ABI3BP: variants seen among roughly 807,000 people sequenced by gnomAD.
The protein encoded by ABI3BP is target of Nesh-SH3.
ABI3BP carries 216 observed loss-of-function variants against 268.6 expected under a neutral mutation model. The ratio of observed to expected loss-of-function variants is 0.80; its 90% confidence interval spans 0.72 to 0.90. ABI3BP has a LOEUF of 0.90. Ranked by LOEUF, ABI3BP falls within the 40% of genes least tolerant of loss-of-function variation. ABI3BP has a pLI of 0.00. For synonymous variants in ABI3BP, 730 were observed against 730.0 expected, an observed-to-expected ratio of 1.00 and a Z score of 0.00; for missense variants, 2,090 against 2,182.4, an observed-to-expected ratio of 0.96 and a Z score of 0.84.
At chr3:100,794,689 A>G (rs920867026) in intron 54 of ABI3BP, among the ~76,000 whole-genome samples, 5 of 151,950 alleles carry the variant, frequency 3.3e-5, no homozygotes, top group African/African-American at 1.2e-4. Context: ...ATCACACTTA[A>G]TCACCAGAGC....
intron 1 of ABI3BP, among the ~76,000 whole-genome samples, chr3:100,942,075 A>G (rs1386598170): frequency 6.6e-6 from 1 of 152,106 alleles, no homozygotes; most frequent in Non-Finnish European, 1.5e-5. Context: ...CTTGGGACAA[A>G]TATATTTTTA....
intron 63 of ABI3BP, among the ~76,000 whole-genome samples, chr3:100,764,196 G>A (rs1365288481): frequency 6.6e-6 from 1 of 152,152 alleles, no homozygotes; most frequent in East Asian, 1.9e-4. Context: ...CATACTTCAA[G>A]CCTCAGACCA....
At chr3:100,762,624 A>G (rs900886940) in intron 63 of ABI3BP, among the ~76,000 whole-genome samples, 5 of 152,166 alleles carry the variant, frequency 3.3e-5, no homozygotes, top group African/African-American at 7.2e-5. Flanking sequence ...GAAATAATTT[A>G]CCTCATTTTA....
rs180905497 is a variant in ABI3BP at position 100,974,028 on chromosome 3, G to A, written c.79+19278C>T. Among the ~76,000 whole-genome samples, 27 of 152,020 alleles carry A rather than the reference G, an allele frequency of 1.8e-4. No homozygotes were observed. In the East Asian group the frequency reaches 3.5e-3, roughly 20 times the overall value. ...AATATGCCTAACAAGTATGCCTAAC[G>A]AATAGAGATATGGACTCAAAACTTA... On this transcript the variant is annotated intron_variant, in intron 1 of 67. Coordinates refer to ENST00000471714, the MANE Select transcript of ABI3BP (RefSeq NM_001375547.2).
chr3:100,862,815 TA>T, intron 13 of ABI3BP, 22 bp downstream of exon 13: 1 of 1,498,854 alleles, frequency 6.7e-7, no homozygotes, highest in Non-Finnish European at 9.0e-7. Flanking sequence ...GCCTTAATAT[TA>T]AATTTAAGGT....
rs368186789 is a variant in ABI3BP, at chr3:100,807,943, CACA to C, written c.3682+215_3682+217del. On this transcript the variant is annotated intron_variant, in intron 50 of 67. Transcript: ENST00000471714. ...TTCATGTCCATCTCATCTTCAATAA[CACA>C]ACATTAAGGGAAGCTTTGTGGAATA... 1.0e-3 allele frequency among the ~76,000 whole-genome samples: 152 copies of C among 152,078 alleles called. 1 individual carries two copies. The highest frequency in any genetic ancestry group is 3.6e-3 in the African/African-American group (150 of 41,510).
chr3:100,768,278 C>T (rs533025434), intron 62 of ABI3BP, among the ~76,000 whole-genome samples: 5 of 152,028 alleles, frequency 3.3e-5, no homozygotes, highest in East Asian at 1.9e-4. Context: ...TTAGTAGAGA[C>T]GGGGTTTCAC....
chr3:100,801,425 C>CAAAAAAAAAAAAAA (rs68171311), intron 51 of ABI3BP, among the ~76,000 whole-genome samples: 2 of 87,498 alleles, frequency 2.3e-5, no homozygotes, highest in African/African-American at 4.0e-5. Flanking sequence ...GATATCCTGT[C>CAAAAAAAAAAAAAA]AAAAAAAAAA....
intron 59 of ABI3BP, among the ~76,000 whole-genome samples, chr3:100,776,184 C>G (rs2096698591): frequency 1.3e-5 from 2 of 152,100 alleles, no homozygotes; most frequent in Non-Finnish European, 2.9e-5. Flanking sequence ...ATTTTATGTT[C>G]CACCGGGGAG....
intron 22 of ABI3BP, 87 bp from the exon 23 acceptor site, chr3:100,840,251 T>C (rs1560666020): frequency 1.9e-6 from 2 of 1,039,354 alleles, no homozygotes. Context: ...GAAGGACATT[T>C]AAACCCTTTG....
chr3:100,789,986 A>G (rs1321291879), intron 55 of ABI3BP, among the ~76,000 whole-genome samples: 1 of 152,010 alleles, frequency 6.6e-6, no homozygotes, highest in Non-Finnish European at 1.5e-5. Context: ...AAAGAGTAGG[A>G]GTATATGGTC....
intron 61 of ABI3BP, among the ~76,000 whole-genome samples, chr3:100,772,374 A>G (rs1452317300): frequency 6.6e-6 from 1 of 152,236 alleles, no homozygotes; most frequent in Non-Finnish European, 1.5e-5. Flanking sequence ...TCTCTAAAAA[A>G]TAGTTTACTG....
At chr3:100,935,225 T>G (rs547602387) in intron 1 of ABI3BP, among the ~76,000 whole-genome samples, 10 of 152,332 alleles carry the variant, frequency 6.6e-5, no homozygotes, top group Admixed American at 2.0e-4. Flanking sequence ...TACCATTTAT[T>G]AAATTGGGAA....
rs543352943 is a variant in ABI3BP at position 100,822,049 on chromosome 3, A to G, written c.2887+540T>C. Among the ~76,000 whole-genome samples the G allele has an allele frequency of 1.4e-4, 21 of 152,142 alleles. No individual in the cohort carries two copies. The South Asian group carries it at 3.1e-3, about 23-fold the overall frequency. ...TCAAGGCTCTATTTCTCCTTAATCT[A>G]TATTTCCCTGATCCAAATATTTACA... On this transcript the variant is annotated intron_variant, in intron 38 of 67. Transcript: ENST00000471714.
intron 1 of ABI3BP, among the ~76,000 whole-genome samples, chr3:100,977,895 G>GAAAGAAGAGGGTTGTAA (rs2087051025): frequency 6.6e-6 from 1 of 152,074 alleles, no homozygotes; most frequent in Admixed American, 6.6e-5. Context: ...ATTTTTCATG[G>GAAAGAAGAGGGTTGTAA]ACCATCTCGA....
chr3:100,843,873 C>T (rs2098737905), intron 20 of ABI3BP: 1 of 984,560 alleles, frequency 1.0e-6, no homozygotes, highest in Non-Finnish European at 1.2e-6. Context: ...ATTTGCTACT[C>T]ATTGCATCTT....
At chr3:100,873,351 G>A (rs192648776) in intron 9 of ABI3BP, among the ~76,000 whole-genome samples, 54 of 152,134 alleles carry the variant, frequency 3.5e-4, no homozygotes, top group Non-Finnish European at 7.1e-4. Context: ...AAGAAAATTG[G>A]AAACAAGAAA....
intron 43 of ABI3BP, chr3:100,816,210 T>C (rs1293728664): frequency 2.0e-6 from 1 of 492,484 alleles, no homozygotes; most frequent in Non-Finnish European, 3.5e-6. Flanking sequence ...CACATGAGGT[T>C]TTCCTAGGTA....
chr3:100,835,648 T>C lies in ABI3BP; in HGVS notation c.2144A>G (p.Asp715Gly). The C allele has an allele frequency of 6.5e-7, 1 of 1,535,114 alleles. No homozygotes were observed. Among genetic ancestry groups the C allele is most frequent in the Non-Finnish European group, 8.7e-7 (1 of 1,146,168 alleles). The change falls in exon 28 of 68, where the codon GAC becomes GGC. Residue 715 changes from aspartate to glycine, a missense_variant. By Grantham distance (94) the Asp-to-Gly change is moderately conservative. Coordinates refer to ENST00000471714, the MANE Select transcript of ABI3BP (RefSeq NM_001375547.2). ...AGTTCTCACAGTTACAGGCTCAATG[T>C]CTGTGGTGGGAACTAACCAAAAGCA... ...APSMTIVPTT[D>G]IEPVTVRTEA...
Sources: gnomAD v4.1 joint callset for allele counts (sites outside exome capture counted in the v4.1 genomes callset) on GRCh38, gnomAD v4.1.1 for gene constraint, MANE v1.5 for transcripts, NCBI Gene and HGNC (gene_info 2026-07-23, HGNC 2026-07-21) for gene names.